The following CFAP91 variants were observed in gnomAD, a reference collection of about 807,000 sequenced individuals.
The protein encoded by CFAP91 is cilia and flagella associated protein 91, also known as cilia- and flagella-associated protein 91.
CFAP91 carries 85 observed loss-of-function variants against 95.9 expected under a neutral mutation model. The ratio of observed to expected loss-of-function variants is 0.89; its 90% CI spans 0.74 to 1.06. CFAP91 has a LOEUF of 1.06. Ranked by LOEUF, CFAP91 falls within the 50% of genes least tolerant of loss-of-function variation. CFAP91 has a pLI of 0.00. For missense variants in CFAP91, 962 were observed against 943.4 expected, an observed-to-expected ratio of 1.02 and a Z score of -0.26; for synonymous variants, 335 against 327.5, an observed-to-expected ratio of 1.02 and a Z score of -0.25.
chr3:119,715,707 A>AT lies in CFAP91; in HGVS notation c.647dup (p.Glu218Ter), dbSNP rs1179925759. On this transcript the variant is annotated frameshift_variant, in exon 6 of 18. Transcript: ENST00000273390. LOFTEE classifies it high-confidence loss of function. ...AGAATATGTAGTATGTCAGGACTCA[A>AT]TCCCTGAGCTCTTGACCCTGGCTAC... 1.9e-6 allele frequency: 3 copies of AT among 1,614,006 alleles called. No individual in the cohort carries two copies. Among genetic ancestry groups the AT allele is most frequent in the Non-Finnish European group, 2.5e-6 (3 of 1,179,978 alleles).
At chr3:119,731,870 T>C (rs1004440078) in intron 8 of CFAP91, among the ~76,000 whole-genome samples, 3 of 152,272 alleles carry the variant, frequency 2.0e-5, no homozygotes, top group Admixed American at 2.0e-4. Context: ...TTTATTTTGG[T>C]GTTAACCAAG....
chr3:119,728,762 A>G (rs766207202), intron 7 of CFAP91, among the ~76,000 whole-genome samples: 3 of 152,130 alleles, frequency 2.0e-5, no homozygotes, highest in Non-Finnish European at 4.4e-5. Flanking sequence ...TTCCTTTGTC[A>G]ATGTAGCAAA....
At chr3:119,727,670 A>G (rs2053809997) in intron 7 of CFAP91, among the ~76,000 whole-genome samples, 1 of 152,148 alleles carries the variant, frequency 6.6e-6, no homozygotes, top group Non-Finnish European at 1.5e-5. Context: ...TCTTAGTTAG[A>G]TCAACCCCTC....
At position 119,761,958 on chromosome 3, in the gene CFAP91, C is replaced by G. The variant is rs1050157797; in HGVS notation, c.*2-3094C>G. 5.3e-5 allele frequency among the ~76,000 whole-genome samples: 8 copies of G among 151,902 alleles called. No homozygotes were observed. In the East Asian group the frequency reaches 1.5e-3, roughly 29 times the overall value. ...CAAGGATGCTCCACTCTTGCTACTTCTATTCAACATAGTACTGGAAGTCTC... is the reference window on the plus strand; with the variant it reads ...CAAGGATGCTCCACTCTTGCTACTTGTATTCAACATAGTACTGGAAGTCTC... On this transcript the variant is annotated intron_variant, in intron 17 of 17. Coordinates refer to ENST00000273390, the MANE Select transcript of CFAP91 (RefSeq NM_033364.4).
intron 17 of CFAP91, among the ~76,000 whole-genome samples, chr3:119,754,592 G>C (rs1189347289): frequency 6.6e-6 from 1 of 152,156 alleles, no homozygotes; most frequent in African/African-American, 2.4e-5. Flanking sequence ...AGACAGGATG[G>C]GATGATAGAA....
At chr3:119,750,654 G>A (rs189782102) in intron 16 of CFAP91, 5,183 of 439,732 alleles carry the variant, frequency 0.012, 55 homozygotes, top group Non-Finnish European at 0.017. Context: ...GTAGTCAGAG[G>A]AGACTTCCTG....
intron 17 of CFAP91, among the ~76,000 whole-genome samples, chr3:119,764,327 T>C (rs1003183921): frequency 6.6e-6 from 1 of 152,130 alleles, no homozygotes; most frequent in Admixed American, 6.5e-5. Context: ...TGAAGCATCA[T>C]ATCATATGAA....
intron 15 of CFAP91, 154 bp from the exon 16 acceptor site, chr3:119,747,653 TAAAC>T: frequency 1.5e-6 from 1 of 675,370 alleles, no homozygotes; most frequent in Non-Finnish European, 2.4e-6. Context: ...TTTGTGGAGT[TAAAC>T]AAACTTGCCA....
chr3:119,750,767 T>C (rs2054309932), intron 16 of CFAP91, 170 bp from the exon 17 acceptor site: 1 of 679,108 alleles, frequency 1.5e-6, no homozygotes, highest in Admixed American at 2.4e-5. Context: ...GAAAGGAGTA[T>C]GACTGGGCTG....
rs147207739 is a variant in CFAP91, at chr3:119,744,005, C to T, written c.1711C>T (p.Leu571=). 4.4e-5 allele frequency: 71 copies of T among 1,612,542 alleles called. No individual in the cohort carries two copies. The highest frequency in any genetic ancestry group is 5.3e-5 in the Non-Finnish European group (63 of 1,179,086). The change falls in exon 14 of 18, where the codon CTG becomes TTG. Residue 571 remains leucine (L), a synonymous_variant. Coordinates refer to ENST00000273390, the MANE Select transcript of CFAP91 (RefSeq NM_033364.4). ...ACTGGTTGAAAACCATTTGGCCGGA[C>T]TGGAAGGAAGGGCACTAGCAGACAT... ...VSLVENHLAG[L]EGRALADMFD...
intron 6 of CFAP91, among the ~76,000 whole-genome samples, chr3:119,716,159 A>G (rs949743781): frequency 8.5e-5 from 13 of 152,192 alleles, no homozygotes; most frequent in Non-Finnish European, 7.4e-5. Context: ...TAATTTACCA[A>G]TCCTCCCTTA....
chr3:119,763,222 G>A (rs115260818), intron 17 of CFAP91, among the ~76,000 whole-genome samples: 2,248 of 152,020 alleles, frequency 0.015, 41 homozygotes, highest in African/African-American at 0.038. Context: ...TGAAAAAAAT[G>A]CCCAACATTA....
chr3:119,722,657 T>TA (rs1253756592), intron 6 of CFAP91, among the ~76,000 whole-genome samples: 5 of 151,930 alleles, frequency 3.3e-5, no homozygotes, highest in Admixed American at 6.6e-5. Flanking sequence ...CCATGCTAAT[T>TA]AAAAAAATAT....
chr3:119,707,384 C>T lies in CFAP91; in HGVS notation c.202-20C>T. 6.6e-7 allele frequency: 1 copy of T among 1,506,074 alleles called. No homozygotes were observed. Among genetic ancestry groups the T allele is most frequent in the Non-Finnish European group, 9.0e-7 (1 of 1,115,096 alleles). The allele number at this position is 1,506,074 out of a possible 1,614,324, so 93.3% of individuals were successfully genotyped here. On this transcript the variant is annotated intron_variant, in intron 2 of 17. Transcript: ENST00000273390. ...GCTGATGGTATAATTTTGTCCTTTG[C>T]CTCCCTTCTCTAACATTAGAGAAAA...
intron 17 of CFAP91, among the ~76,000 whole-genome samples, chr3:119,763,685 A>G (rs1014298766): frequency 1.3e-5 from 2 of 152,100 alleles, no homozygotes; most frequent in African/African-American, 4.8e-5. Flanking sequence ...GCATTATGCT[A>G]GGTGAAATAA....
At chr3:119,717,927 C>T (rs2053609433) in intron 6 of CFAP91, among the ~76,000 whole-genome samples, 1 of 151,908 alleles carries the variant, frequency 6.6e-6, no homozygotes, top group African/African-American at 2.4e-5. Flanking sequence ...TTTCCAGGAC[C>T]ACCTGGAAAT....
At chr3:119,754,605 A>G (rs1489018587) in intron 17 of CFAP91, among the ~76,000 whole-genome samples, 9 of 152,228 alleles carry the variant, frequency 5.9e-5, no homozygotes, top group Admixed American at 5.9e-4. Flanking sequence ...TGATAGAACT[A>G]TTCAGCTGCA....
intron 17 of CFAP91, among the ~76,000 whole-genome samples, chr3:119,761,299 T>C (rs1004332814): frequency 5.9e-5 from 9 of 151,716 alleles, no homozygotes. Flanking sequence ...CCTATCAAGA[T>C]TGAACCATGA....
At chr3:119,759,716 T>C (rs1191617365) in intron 17 of CFAP91, among the ~76,000 whole-genome samples, 1 of 151,954 alleles carries the variant, frequency 6.6e-6, no homozygotes, top group Non-Finnish European at 1.5e-5. Flanking sequence ...AAGATGTAAA[T>C]TATGAAATTG....
Sources: allele counts gnomAD v4.1 joint callset (sites outside exome capture counted in the v4.1 genomes callset), GRCh38; gene constraint gnomAD v4.1.1; transcripts MANE v1.5; gene names NCBI Gene and HGNC (gene_info 2026-07-23, HGNC 2026-07-21).